Variants in LRRC4C observed in about 807,000 individuals in gnomAD.
The protein encoded by LRRC4C is leucine rich repeat containing 4C, also known as leucine-rich repeat-containing protein 4C.
A neutral mutation model predicts 33.6 loss-of-function variants in LRRC4C; 5 were observed. That is an observed-to-expected ratio of 0.15 (90% CI 0.08 to 0.31). LRRC4C has a LOEUF of 0.31. LRRC4C is among the 10% of genes least tolerant of loss of function. The pLI is 1.00. For synonymous variants in LRRC4C, 329 were observed against 302.0 expected, an observed-to-expected ratio of 1.09 and a Z score of -0.93; for missense variants, 560 against 796.7, an observed-to-expected ratio of 0.70 and a Z score of 3.58.
chr11:40,262,790 A>G (rs1040561052), intron 4 of LRRC4C, among the ~76,000 whole-genome samples: 3 of 152,086 alleles, frequency 2.0e-5, no homozygotes, highest in Admixed American at 6.6e-5. Context: ...ATGAGAACAC[A>G]TGGACACAGG....
chr11:40,281,370 A>G (rs1323420181), intron 4 of LRRC4C, among the ~76,000 whole-genome samples: 1 of 152,156 alleles, frequency 6.6e-6, no homozygotes, highest in Non-Finnish European at 1.5e-5. Context: ...GAGATCAGCT[A>G]ACTAAGCTAT....
At chr11:40,761,640 CTTA>C (rs764580764) in intron 2 of LRRC4C, among the ~76,000 whole-genome samples, 6 of 152,088 alleles carry the variant, frequency 3.9e-5, no homozygotes, top group Admixed American at 2.0e-4. Flanking sequence ...GCAAAACACA[CTTA>C]TTATTATTAT....
chr11:40,848,511 G>GT (rs562796183), intron 2 of LRRC4C, among the ~76,000 whole-genome samples: 18 of 152,262 alleles, frequency 1.2e-4, no homozygotes, highest in African/African-American at 4.3e-4. Flanking sequence ...CTGAGAGTCA[G>GT]TTTTTTATGA....
At chr11:40,240,831 G>A (rs1431158947) in intron 5 of LRRC4C, among the ~76,000 whole-genome samples, 3 of 151,968 alleles carry the variant, frequency 2.0e-5, no homozygotes, top group South Asian at 2.1e-4. Context: ...CATTAAGAAA[G>A]CATTTATAGT....
intron 1 of LRRC4C, among the ~76,000 whole-genome samples, chr11:41,163,247 C>T (rs181850448): frequency 7.1e-6 from 1 of 140,750 alleles, no homozygotes; most frequent in East Asian, 2.2e-4. Context: ...TTATTAGCAA[C>T]ATGAAAATGG....
rs183492728 is a variant in LRRC4C at position 40,605,740 on chromosome 11, A to C, written c.-270+42402T>G. 1.4e-3 allele frequency among the ~76,000 whole-genome samples: 217 copies of C among 152,246 alleles called. 1 individual carries two copies. The Middle Eastern group carries it at 0.017, about 12-fold the overall frequency. On this transcript the variant is annotated intron_variant, in intron 3 of 6. Transcript: ENST00000528697. ...GACAGAAAAGGGCACCAGCTTGGGG[A>C]TCATCAATAACAAAAGCAATAGTTT...
chr11:41,037,528 G>T (rs1478940733), intron 1 of LRRC4C, among the ~76,000 whole-genome samples: 1 of 148,908 alleles, frequency 6.7e-6, no homozygotes, highest in East Asian at 2.0e-4. Flanking sequence ...TGTGTTTTTG[G>T]CCATCTAGCA....
At chr11:40,901,059 A>T (rs1956174919) in intron 2 of LRRC4C, among the ~76,000 whole-genome samples, 1 of 152,020 alleles carries the variant, frequency 6.6e-6, no homozygotes. Context: ...CACATTTTCA[A>T]TTCCTTTTCT....
intron 2 of LRRC4C, among the ~76,000 whole-genome samples, chr11:40,890,846 G>A (rs1955671844): frequency 6.6e-6 from 1 of 151,514 alleles, no homozygotes. Flanking sequence ...GAGCAACAAG[G>A]CTGAAAAAAA....
intron 3 of LRRC4C, chr11:40,351,437 A>G (rs760536009): frequency 2.0e-5 from 3 of 152,092 alleles, no homozygotes; most frequent in Non-Finnish European, 4.4e-5. Flanking sequence ...GTGCAGATTA[A>G]GTCTAATGTT....
At chr11:40,511,227 C>T (rs983061400) in intron 3 of LRRC4C, among the ~76,000 whole-genome samples, 3 of 152,104 alleles carry the variant, frequency 2.0e-5, no homozygotes, top group Admixed American at 6.6e-5. Context: ...ATTATATGAG[C>T]TCATACTGAA....
chr11:41,137,995 T>TA (rs1005859939), intron 1 of LRRC4C, among the ~76,000 whole-genome samples: 2 of 152,268 alleles, frequency 1.3e-5, no homozygotes, highest in Non-Finnish European at 2.9e-5. Context: ...GAGATGGTTG[T>TA]AAAAAATTAA....
At chr11:40,585,074 A>G (rs2135682810) in intron 3 of LRRC4C, among the ~76,000 whole-genome samples, 1 of 152,322 alleles carries the variant, frequency 6.6e-6, no homozygotes, top group African/African-American at 2.4e-5. Context: ...CTGTCCTGGA[A>G]AGTAGGCAAC....
At chr11:40,190,526 A>C (rs1409281392) in intron 5 of LRRC4C, among the ~76,000 whole-genome samples, 1 of 152,224 alleles carries the variant, frequency 6.6e-6, no homozygotes, top group Admixed American at 6.5e-5. Context: ...AATTCTAGAT[A>C]TGTTTTGATT....
intron 1 of LRRC4C, among the ~76,000 whole-genome samples, chr11:41,220,665 CAAGAA>C (rs147646892): frequency 0.019 from 2,870 of 151,988 alleles, 94 homozygotes; most frequent in African/African-American, 0.066. Context: ...TGTGGAAACA[CAAGAA>C]AAGATGATCA....
intron 1 of LRRC4C, among the ~76,000 whole-genome samples, chr11:41,007,978 A>G (rs1389619958): frequency 6.6e-6 from 1 of 151,696 alleles, no homozygotes; most frequent in African/African-American, 2.4e-5. Context: ...TTCATATTCC[A>G]TTTTCTTTCA....
rs1370474734 is a variant in LRRC4C, at chr11:40,215,997, T to C, written c.-96+25522A>G. On this transcript the variant is annotated intron_variant, in intron 5 of 6. Coordinates refer to ENST00000528697, the MANE Select transcript of LRRC4C (RefSeq NM_001258419.2). ...AAACATGGCCTTCTTTGTTCAACGCTGGTAATGAGATTAATCTGTATTTTT... is the reference window on the plus strand; with the variant it reads ...AAACATGGCCTTCTTTGTTCAACGCCGGTAATGAGATTAATCTGTATTTTT... Among the ~76,000 whole-genome samples, 64 of 152,084 alleles carry C rather than the reference T, an allele frequency of 4.2e-4. 1 individual carries two copies. Among genetic ancestry groups the C allele is most frequent in the Non-Finnish European group, 2.9e-5 (2 of 68,000 alleles).
intron 2 of LRRC4C, among the ~76,000 whole-genome samples, chr11:40,877,788 C>A (rs552597588): frequency 2.0e-5 from 3 of 152,266 alleles, no homozygotes; most frequent in African/African-American, 7.2e-5. Flanking sequence ...CAACAAACTC[C>A]AAAGGCTTGT....
At chr11:40,579,119 C>G (rs894613633) in intron 3 of LRRC4C, among the ~76,000 whole-genome samples, 3 of 152,142 alleles carry the variant, frequency 2.0e-5, no homozygotes, top group African/African-American at 7.2e-5. Context: ...AGGTAGATCA[C>G]TGGAGTCCAG....
Sources: gnomAD v4.1 joint callset for allele counts (sites outside exome capture counted in the v4.1 genomes callset) on GRCh38, gnomAD v4.1.1 for gene constraint, MANE v1.5 for transcripts, NCBI Gene and HGNC (gene_info 2026-07-23, HGNC 2026-07-21) for gene names.